GRM5: variants seen among roughly 807,000 people sequenced by gnomAD.
GRM5 encodes the protein glutamate metabotropic receptor 5, also known as metabotropic glutamate receptor 5.
GRM5 carries 19 observed loss-of-function variants against 83.1 expected under a neutral mutation model. The observed-to-expected ratio is 0.23, with a 90% CI of 0.16 to 0.34. The LOEUF is 0.34. Among genes scored for constraint, GRM5 ranks in the 10% least tolerant of loss-of-function variants. GRM5 has a pLI of 1.00. For missense variants in GRM5, 1,160 were observed against 1,588.3 expected (o/e 0.73, Z 4.58); for synonymous variants, 675 against 633.6 (o/e 1.07, Z -0.98).
chr11:88,681,595 G>T (rs1940492896), intron 3 of GRM5, among the ~76,000 whole-genome samples: 1 of 11,592 alleles, frequency 8.6e-5, no homozygotes, highest in Non-Finnish European at 3.0e-4. Flanking sequence ...TTTTTGAGAT[G>T]GAGTCTCGCT....
At chr11:88,975,086 T>G (rs1264298125) in intron 2 of GRM5, among the ~76,000 whole-genome samples, 1 of 152,202 alleles carries the variant, frequency 6.6e-6, no homozygotes, top group East Asian at 1.9e-4. Flanking sequence ...ATTAGACGTT[T>G]AGGACTTAAA....
chr11:88,920,357 C>T (rs181306652), intron 2 of GRM5, among the ~76,000 whole-genome samples: 1 of 147,986 alleles, frequency 6.8e-6, no homozygotes, highest in African/African-American at 2.5e-5. Flanking sequence ...AATCTAAAAC[C>T]TAAATAGACC....
At chr11:88,756,014 C>A (rs1168487862) in intron 3 of GRM5, among the ~76,000 whole-genome samples, 4 of 152,268 alleles carry the variant, frequency 2.6e-5, no homozygotes, top group Admixed American at 1.3e-4. Context: ...TCACCATGAA[C>A]AAGGCTTATA....
intron 8 of GRM5, among the ~76,000 whole-genome samples, chr11:88,549,522 A>G (rs931769377): frequency 6.6e-6 from 1 of 151,872 alleles, no homozygotes; most frequent in Non-Finnish European, 1.5e-5. Flanking sequence ...AACAAAAGAA[A>G]TGTCCAAGGA....
At position 88,557,117 on chromosome 11, in the gene GRM5, G is replaced by T. The variant is rs1942647908; in HGVS notation, c.2630+9936C>A. Among the ~76,000 whole-genome samples the T allele has an allele frequency of 2.0e-5, 3 of 152,024 alleles. No individual in the cohort carries two copies. In the South Asian group the frequency reaches 6.2e-4, roughly 32 times the overall value. ...ACCTGCGTTTGAATCCTAAATTTTGGTTCTACCACCTATTAGTTCACTAAC... is the reference window on the plus strand; with the variant it reads ...ACCTGCGTTTGAATCCTAAATTTTGTTTCTACCACCTATTAGTTCACTAAC... On this transcript the variant is annotated intron_variant, in intron 8 of 9. Transcript: ENST00000305447.
intron 3 of GRM5, among the ~76,000 whole-genome samples, chr11:88,667,750 G>A (rs766427924): frequency 1.3e-5 from 2 of 151,970 alleles, no homozygotes; most frequent in Non-Finnish European, 2.9e-5. Flanking sequence ...AAAATTAGCT[G>A]TATGTGGTGG....
At chr11:88,591,733 A>G (rs1937643878) in intron 6 of GRM5, among the ~76,000 whole-genome samples, 1 of 152,072 alleles carries the variant, frequency 6.6e-6, no homozygotes. Flanking sequence ...TCTTGTGTTG[A>G]CTCTTAAAAC....
chr11:88,718,202 G>A (rs138206776), intron 3 of GRM5, among the ~76,000 whole-genome samples: 5 of 151,978 alleles, frequency 3.3e-5, no homozygotes, highest in African/African-American at 7.2e-5. Flanking sequence ...ACAAGTCAAT[G>A]CCTATATATG....
intron 4 of GRM5, among the ~76,000 whole-genome samples, chr11:88,611,603 T>G (rs1938318537): frequency 6.6e-6 from 1 of 152,142 alleles, no homozygotes; most frequent in African/African-American, 2.4e-5. Flanking sequence ...GATCTTCTCT[T>G]TCTTTCTTTA....
chr11:88,697,307 G>GC (rs1940926701), intron 3 of GRM5, among the ~76,000 whole-genome samples: 1 of 152,166 alleles, frequency 6.6e-6, no homozygotes. Flanking sequence ...TGACAGTAGT[G>GC]CCATGATGAC....
At chr11:88,587,623 A>T (rs780987601) in intron 7 of GRM5, among the ~76,000 whole-genome samples, 8 of 151,818 alleles carry the variant, frequency 5.3e-5, no homozygotes, top group South Asian at 2.1e-4. Context: ...CAGGAAGGTA[A>T]CTCTCACCTT....
Position 88,653,397 on chromosome 11 carries a change from GC to G in GRM5, c.917del (p.Gly306AlafsTer8), listed in dbSNP as rs1939685952. ...AGEFLLLGSD[G>X]WADRYDVTDG... ...CTGTCACATCATACCTGTCAGCCCA[GC>G]CATCACTGTGGGGAAATAAAAAAAC... On this transcript the variant is annotated frameshift_variant, in exon 4 of 10. Coordinates refer to ENST00000305447, the MANE Select transcript of GRM5 (RefSeq NM_001143831.3). LOFTEE classifies it high-confidence loss of function. The G allele has an allele frequency of 6.2e-7, 1 of 1,607,548 alleles. No homozygotes were observed. The highest frequency in any genetic ancestry group is 1.7e-5 in the Admixed American group (1 of 59,816).
chr11:88,571,351 T>A (rs1942997183), intron 7 of GRM5, among the ~76,000 whole-genome samples: 1 of 152,210 alleles, frequency 6.6e-6, no homozygotes, highest in Admixed American at 6.5e-5. Flanking sequence ...ATTAAATGAA[T>A]GCTTCTTTTA....
rs1031171484 is a variant in GRM5 at position 88,767,950 on chromosome 11, G to T, written c.911+81956C>A. ...AAAGAAAAAAGTAATAACAAGTGTT[G>T]GTAAGAATGTAGGGAAATTGGAACC... On this transcript the variant is annotated intron_variant, in intron 3 of 9. Coordinates refer to ENST00000305447, the MANE Select transcript of GRM5 (RefSeq NM_001143831.3). Among the ~76,000 whole-genome samples, 9 of 152,016 alleles carry T rather than the reference G, an allele frequency of 5.9e-5. No individual in the cohort carries two copies. The East Asian group carries it at 1.4e-3, about 23-fold the overall frequency.
chr11:88,724,609 G>T (rs766573420), intron 3 of GRM5, among the ~76,000 whole-genome samples: 8 of 152,098 alleles, frequency 5.3e-5, no homozygotes, highest in Admixed American at 1.3e-4. Context: ...AACAAACATA[G>T]GTGGCTGGCA....
chr11:88,763,894 G>A (rs954928690), intron 3 of GRM5, among the ~76,000 whole-genome samples: 2 of 151,696 alleles, frequency 1.3e-5, no homozygotes, highest in African/African-American at 4.8e-5. Context: ...TGCCTTAAAT[G>A]TAAATAATTT....
At chr11:88,709,491 C>T (rs1281675567) in intron 3 of GRM5, among the ~76,000 whole-genome samples, 1 of 152,048 alleles carries the variant, frequency 6.6e-6, no homozygotes, top group African/African-American at 2.4e-5. Flanking sequence ...GGCAACTACA[C>T]TGAGGAGCAA....
intron 2 of GRM5, among the ~76,000 whole-genome samples, chr11:88,905,085 G>A (rs11021665): frequency 0.019 from 2,944 of 152,240 alleles, 46 homozygotes; most frequent in East Asian, 0.067. Flanking sequence ...CAGTTCAGAT[G>A]TGTCTATATA....
chr11:88,894,442 CA>C (rs1945198210), intron 2 of GRM5, among the ~76,000 whole-genome samples: 1 of 152,000 alleles, frequency 6.6e-6, no homozygotes, highest in Non-Finnish European at 1.5e-5. Context: ...CGATTGACAA[CA>C]AACCCTGGGT....
Sources: gnomAD v4.1 joint callset for allele counts (sites outside exome capture counted in the v4.1 genomes callset) on GRCh38, gnomAD v4.1.1 for gene constraint, MANE v1.5 for transcripts, NCBI Gene and HGNC (gene_info 2026-07-23, HGNC 2026-07-21) for gene names.